Variants in VPS13B observed in about 807,000 individuals in gnomAD.
VPS13B encodes vacuolar protein sorting 13 homolog B, also known as intermembrane lipid transfer protein VPS13B.
Under a neutral mutation model 426.4 loss-of-function variants are expected in VPS13B, and 285 were observed. That is an observed-to-expected ratio of 0.67 (90% CI 0.61 to 0.74). The LOEUF (loss-of-function observed/expected upper bound fraction) is 0.74, where lower values mean the gene tolerates loss of function less well. Ranked by LOEUF, VPS13B falls within the 30% of genes least tolerant of loss-of-function variation. VPS13B has a pLI of 0.00. For synonymous variants in VPS13B, 1,676 were observed against 1,676.4 expected (o/e 1.00, Z 0.01); for missense variants, 4,537 against 4,782.6 (o/e 0.95, Z 1.51).
intron 35 of VPS13B, among the ~76,000 whole-genome samples, chr8:99,677,312 A>G (rs1444944795): frequency 6.6e-6 from 1 of 152,164 alleles, no homozygotes; most frequent in Non-Finnish European, 1.5e-5. Context: ...GCTATCTTCT[A>G]CATTTAAGAA....
intron 33 of VPS13B, among the ~76,000 whole-genome samples, chr8:99,610,979 T>G (rs1179440010): frequency 1.3e-5 from 2 of 152,296 alleles, no homozygotes; most frequent in East Asian, 3.9e-4. Context: ...CAAATAATCT[T>G]TTAGTCTTCA....
intron 25 of VPS13B, among the ~76,000 whole-genome samples, chr8:99,482,920 C>T (rs3105168): frequency 0.17 from 26,476 of 151,844 alleles, 2,839 homozygotes; most frequent in East Asian, 0.39. Flanking sequence ...CATTCATTTC[C>T]AAAACATTGC....
At chr8:99,366,519 GT>G (rs1188797281) in intron 19 of VPS13B, among the ~76,000 whole-genome samples, 2 of 131,884 alleles carry the variant, frequency 1.5e-5, no homozygotes, top group Non-Finnish European at 3.3e-5. Context: ...ATTGGGTCTT[GT>G]TTTTTTTTGT....
chr8:99,631,267 A>G (rs1389582228), intron 33 of VPS13B, among the ~76,000 whole-genome samples: 3 of 152,068 alleles, frequency 2.0e-5, no homozygotes, highest in Non-Finnish European at 2.9e-5. Flanking sequence ...GCATGACTTC[A>G]TGTCTTAGCC....
intron 33 of VPS13B, among the ~76,000 whole-genome samples, chr8:99,596,035 T>C (rs1395863620): frequency 1.3e-5 from 2 of 151,786 alleles, no homozygotes; most frequent in Admixed American, 1.3e-4. Context: ...TGTGGAAAAA[T>C]TGGAACCCTC....
chr8:99,471,592 G>T (rs1819408625), intron 24 of VPS13B, among the ~76,000 whole-genome samples: 1 of 151,872 alleles, frequency 6.6e-6, no homozygotes, highest in South Asian at 2.1e-4. Flanking sequence ...AAAAGAAGAT[G>T]GGAAAAAGTA....
At chr8:99,457,311 C>A (rs1818531699) in intron 23 of VPS13B, among the ~76,000 whole-genome samples, 1 of 152,194 alleles carries the variant, frequency 6.6e-6, no homozygotes, top group South Asian at 2.1e-4. Context: ...GGATTACAGG[C>A]ATGAGCCACT....
At chr8:99,123,237 C>T (rs550411865) in intron 8 of VPS13B, among the ~76,000 whole-genome samples, 4 of 151,672 alleles carry the variant, frequency 2.6e-5, no homozygotes, top group Middle Eastern at 3.4e-3. Context: ...TCAGGGAAGG[C>T]CTTATTATGA....
rs1200126695 is a variant in VPS13B at position 99,339,922 on chromosome 8, T to G, written c.2825-44286T>G. Reference sequence around the variant, plus strand: ...AGAATAAAAATAGCTTGCAAAAAATTTTTGTTTAATGCCAACAAATAACAA... The same window carrying G: ...AGAATAAAAATAGCTTGCAAAAAATGTTTGTTTAATGCCAACAAATAACAA... On this transcript the variant is annotated intron_variant, in intron 19 of 61. Transcript: ENST00000357162. Among the ~76,000 whole-genome samples the G allele has an allele frequency of 4.6e-5, 7 of 152,288 alleles. No homozygotes were observed. The East Asian group carries it at 1.2e-3, about 25-fold the overall frequency.
intron 30 of VPS13B, among the ~76,000 whole-genome samples, chr8:99,548,728 T>G (rs1824119133): frequency 6.6e-6 from 1 of 151,986 alleles, no homozygotes; most frequent in Admixed American, 6.6e-5. Flanking sequence ...TATTTCAAGT[T>G]GAGGGAAAAA....
intron 33 of VPS13B, among the ~76,000 whole-genome samples, chr8:99,616,816 T>C (rs1334274401): frequency 6.6e-6 from 1 of 152,220 alleles, no homozygotes; most frequent in Non-Finnish European, 1.5e-5. Context: ...ATACACCAGA[T>C]ATAAATCTGT....
At chr8:99,340,306 T>C in intron 19 of VPS13B, 1 of 296,856 alleles carries the variant, frequency 3.4e-6, no homozygotes, top group Non-Finnish European at 6.6e-6. Flanking sequence ...ATCAACACTT[T>C]AATAAATTGC....
intron 15 of VPS13B, among the ~76,000 whole-genome samples, chr8:99,164,131 C>T (rs528783867): frequency 3.9e-5 from 6 of 152,174 alleles, no homozygotes; most frequent in Admixed American, 6.5e-5. Flanking sequence ...CCAGGGGTCC[C>T]GGGTAGAAGT....
At chr8:99,406,966 G>C (rs1815367725) in intron 21 of VPS13B, among the ~76,000 whole-genome samples, 1 of 152,178 alleles carries the variant, frequency 6.6e-6, no homozygotes. Flanking sequence ...TTGGAGTAAA[G>C]AGTCTTTAGT....
At chr8:99,741,478 T>A (rs1199460630) in intron 39 of VPS13B, among the ~76,000 whole-genome samples, 1 of 152,194 alleles carries the variant, frequency 6.6e-6, no homozygotes, top group Admixed American at 6.5e-5. Context: ...GCGGACCTAA[T>A]AGACATCTAC....
intron 54 of VPS13B, among the ~76,000 whole-genome samples, chr8:99,843,737 C>A (rs1815831110): frequency 6.6e-6 from 1 of 152,198 alleles, no homozygotes; most frequent in African/African-American, 2.4e-5. Flanking sequence ...GAGCTCTTAC[C>A]ATTGTCCTTC....
intron 19 of VPS13B, among the ~76,000 whole-genome samples, chr8:99,370,853 G>T (rs74569023): frequency 6.6e-6 from 1 of 151,878 alleles, no homozygotes; most frequent in Non-Finnish European, 1.5e-5. Context: ...CAAGTCATCC[G>T]CCCATCTCGG....
intron 23 of VPS13B, among the ~76,000 whole-genome samples, chr8:99,443,537 C>T (rs1448216765): frequency 1.3e-5 from 2 of 152,238 alleles, no homozygotes; most frequent in East Asian, 1.9e-4. Context: ...ATACTATTAT[C>T]ATACAATTAT....
chr8:99,697,735 G>T (rs1832092793), intron 35 of VPS13B: 8 of 620,574 alleles, frequency 1.3e-5, no homozygotes, highest in South Asian at 1.1e-4. Flanking sequence ...GCCTGGCCTA[G>T]GGCGCGCCCG....
Sources: gnomAD v4.1 joint callset for allele counts (sites outside exome capture counted in the v4.1 genomes callset) on GRCh38, gnomAD v4.1.1 for gene constraint, MANE v1.5 for transcripts, NCBI Gene and HGNC (gene_info 2026-07-23, HGNC 2026-07-21) for gene names.